Variants in PHF24 observed in about 807,000 individuals in gnomAD.
The protein encoded by PHF24 is Galpha inhibitory interacting protein.
In PHF24, 25 loss-of-function variants were observed where a neutral mutation model predicts 42.6. The ratio of observed to expected loss-of-function variants is 0.59; its 90% CI spans 0.43 to 0.82. PHF24 has a LOEUF of 0.82. Among genes scored for constraint, PHF24 ranks in the 40% least tolerant of loss-of-function variants. PHF24 has a pLI of 0.00. For synonymous variants in PHF24, 185 were observed against 204.8 expected, an observed-to-expected ratio of 0.90 and a Z score of 0.83; for missense variants, 470 against 538.1, an observed-to-expected ratio of 0.87 and a Z score of 1.25.
chr9:34,770,836 G>A, the PHF24 span, among the ~76,000 whole-genome samples: 1 of 152,022 alleles, frequency 6.6e-6, no homozygotes, highest in African/African-American at 2.4e-5. Context: ...TATTGTGGCC[G>A]GGCATGGTGG....
chr9:34,857,972 G>GT, the PHF24 span, among the ~76,000 whole-genome samples: 37,500 of 95,700 alleles, frequency 0.39, 5,237 homozygotes, highest in East Asian at 0.55. Context: ...TGTTTCTCTG[G>GT]TTTTTTTTTT....
the PHF24 span, among the ~76,000 whole-genome samples, chr9:34,928,077 A>G: frequency 6.6e-6 from 1 of 152,152 alleles, no homozygotes; most frequent in Admixed American, 6.5e-5. Flanking sequence ...TTAGCCAGGC[A>G]TGGTGGAGAG....
the PHF24 span, among the ~76,000 whole-genome samples, chr9:34,936,052 C>T: frequency 1.3e-5 from 2 of 151,576 alleles, no homozygotes; most frequent in East Asian, 2.0e-4. Flanking sequence ...GCTCCCACCC[C>T]CTCTCCCTCT....
chr9:34,968,674 G>A (rs1826867263), intron 1 of PHF24, among the ~76,000 whole-genome samples: 1 of 152,212 alleles, frequency 6.6e-6, no homozygotes, highest in Non-Finnish European at 1.5e-5. Context: ...AGATGGGGCT[G>A]TCATCAGATA....
the PHF24 span, among the ~76,000 whole-genome samples, chr9:34,678,995 G>A: frequency 6.6e-6 from 1 of 152,128 alleles, no homozygotes; most frequent in African/African-American, 2.4e-5. Context: ...TGTCTGGTTT[G>A]AACCCCCTTC....
the PHF24 span, among the ~76,000 whole-genome samples, chr9:34,942,204 C>G: frequency 2.6e-5 from 4 of 152,312 alleles, no homozygotes; most frequent in African/African-American, 9.6e-5. Context: ...ACTGCAGAAC[C>G]CTTTTCTTTT....
intron 5 of PHF24, 60 bp downstream of exon 5, chr9:34,976,800 C>A: frequency 2.7e-6 from 4 of 1,467,274 alleles, no homozygotes; most frequent in Non-Finnish European, 3.8e-6. Flanking sequence ...CTGGGAGGCA[C>A]GCTGGGCAGA....
At chr9:34,782,354 A>G in the PHF24 span, among the ~76,000 whole-genome samples, 1 of 152,224 alleles carries the variant, frequency 6.6e-6, no homozygotes, top group Admixed American at 6.5e-5. Context: ...GTAGACACAC[A>G]TCTCTCAACA....
the PHF24 span, among the ~76,000 whole-genome samples, chr9:34,939,443 C>CAG: frequency 1.3e-5 from 2 of 152,078 alleles, no homozygotes; most frequent in African/African-American, 2.4e-5. Flanking sequence ...AGGGAGCTGT[C>CAG]AGAGAGAGAT....
At chr9:34,967,120 G>T (rs1405237649) in intron 1 of PHF24, among the ~76,000 whole-genome samples, 2 of 152,102 alleles carry the variant, frequency 1.3e-5, no homozygotes, top group African/African-American at 4.8e-5. Flanking sequence ...TTAGTCAGAG[G>T]TATATTAGTA....
the PHF24 span, among the ~76,000 whole-genome samples, chr9:34,933,805 G>A: frequency 6.6e-5 from 10 of 150,908 alleles, no homozygotes; most frequent in Non-Finnish European, 1.2e-4. Flanking sequence ...ACAGAGTCTC[G>A]CTCTGTCACC....
chr9:34,936,941 G>A, the PHF24 span, among the ~76,000 whole-genome samples: 14 of 140,962 alleles, frequency 9.9e-5, no homozygotes, highest in East Asian at 1.4e-3. Context: ...AGTGAGGAGC[G>A]TCTCCACCCG....
chr9:34,889,401 T>C, the PHF24 span: 1 of 398,626 alleles, frequency 2.5e-6, no homozygotes. Context: ...CAGGCCTTCC[T>C]CCTCAGTAGA....
chr9:34,876,591 A>G, the PHF24 span, among the ~76,000 whole-genome samples: 5 of 152,324 alleles, frequency 3.3e-5, no homozygotes, highest in African/African-American at 1.2e-4. Context: ...AAGATGCTCA[A>G]CATCATTACT....
chr9:34,961,336 G>A (rs1826582039), intron 1 of PHF24, among the ~76,000 whole-genome samples: 1 of 152,140 alleles, frequency 6.6e-6, no homozygotes, highest in South Asian at 2.1e-4. Context: ...GGAATTGCTT[G>A]CCAGCTTTGG....
chr9:34,768,115 G>A, the PHF24 span, among the ~76,000 whole-genome samples: 4 of 152,082 alleles, frequency 2.6e-5, no homozygotes, highest in South Asian at 2.1e-4. Context: ...CTGCTCATGC[G>A]CATACTACAT....
chr9:34,742,399 G>C, the PHF24 span, among the ~76,000 whole-genome samples: 4 of 152,074 alleles, frequency 2.6e-5, 1 homozygote, highest in South Asian at 6.2e-4. Context: ...TCTTGGAGCA[G>C]CTCTCTCCTT....
At chr9:34,744,111 A>G in the PHF24 span, among the ~76,000 whole-genome samples, 38 of 152,300 alleles carry the variant, frequency 2.5e-4, no homozygotes, top group Non-Finnish European at 5.1e-4. Context: ...TCAGGTTTCC[A>G]ACACATGAAC....
intron 3 of PHF24, 110 bp downstream of exon 3, chr9:34,972,641 C>A (rs756697439): frequency 9.6e-7 from 1 of 1,045,658 alleles, no homozygotes; most frequent in Non-Finnish European, 1.3e-6. Context: ...ATGGGCTGGG[C>A]GCGGTGGCTC....
Sources: allele counts gnomAD v4.1 joint callset (sites outside exome capture counted in the v4.1 genomes callset), GRCh38; gene constraint gnomAD v4.1.1; transcripts MANE v1.5; gene names NCBI Gene and HGNC (gene_info 2026-07-23, HGNC 2026-07-21).